CIBAR1: variants seen among roughly 807,000 people sequenced by gnomAD.
CIBAR1 encodes CBY1 interacting BAR domain containing 1, also known as CBY1-interacting BAR domain-containing protein 1.
In CIBAR1, 25 loss-of-function variants were observed where a neutral mutation model predicts 44.0. The ratio of observed to expected loss-of-function variants is 0.57; its 90% CI spans 0.41 to 0.79. CIBAR1 has a LOEUF of 0.79. Ranked by LOEUF, CIBAR1 falls within the 30% of genes least tolerant of loss-of-function variation. CIBAR1 has a pLI of 0.00. For synonymous variants in CIBAR1, 115 were observed against 119.0 expected (o/e 0.97, Z 0.22); for missense variants, 278 against 344.8 (o/e 0.81, Z 1.53).
At chr8:93,727,200 A>G in intron 8 of CIBAR1, 1 of 1,285,934 alleles carries the variant, frequency 7.8e-7, no homozygotes, top group Non-Finnish European at 1.0e-6. Context: ...TCTAGCCTTC[A>G]GAATATAAAA....
At chr8:93,726,748 G>A (rs539474706) in intron 8 of CIBAR1, 1 of 467,078 alleles carries the variant, frequency 2.1e-6, no homozygotes, top group East Asian at 4.5e-5. Context: ...GAGAGCAGAA[G>A]TGGAAAAGAC....
chr8:93,708,836 A>C (rs1810706549), intron 5 of CIBAR1, among the ~76,000 whole-genome samples: 4 of 152,166 alleles, frequency 2.6e-5, no homozygotes, highest in Admixed American at 2.6e-4. Context: ...AACTCAAAAT[A>C]CCTCAATGTT....
At chr8:93,709,663 G>C (rs931266226) in intron 5 of CIBAR1, 108 bp from the exon 6 acceptor site, 3 of 811,910 alleles carry the variant, frequency 3.7e-6, no homozygotes, top group Non-Finnish European at 6.3e-6. Context: ...AATTTACACT[G>C]TTATGCCAAA....
At chr8:93,700,939 G>A in intron 1 of CIBAR1, 4 of 1,376,320 alleles carry the variant, frequency 2.9e-6, no homozygotes, top group Non-Finnish European at 2.8e-6. Context: ...GGAAGCCTAG[G>A]AGGCAGCCGG....
intron 6 of CIBAR1, among the ~76,000 whole-genome samples, chr8:93,714,329 CTTGA>C (rs1810953142): frequency 6.6e-6 from 1 of 152,112 alleles, no homozygotes; most frequent in Non-Finnish European, 1.5e-5. Flanking sequence ...CCTTGCCAAA[CTTGA>C]TTATTAGTTC....
At chr8:93,700,961 G>A in intron 1 of CIBAR1, 1 of 1,378,918 alleles carries the variant, frequency 7.3e-7, no homozygotes, top group Admixed American at 3.5e-5. Context: ...CGCCCAGGCC[G>A]CGCTGCGCGG....
rs1586303257 is a variant in CIBAR1, at chr8:93,728,431, T to G, written c.*134T>G. The G allele has an allele frequency of 5.3e-6, 3 of 561,004 alleles. No individual in the cohort carries two copies. Among genetic ancestry groups the G allele is most frequent in the Non-Finnish European group, 9.2e-6 (3 of 326,570 alleles). 34.8% of individuals were successfully genotyped at this position (561,004 alleles called of 1,614,324 possible). Reference sequence around the variant, plus strand: ...AAACAGAAAAATAATTAAAGGAAACTTATGCTGACCAAAAATGAAGGCTTT... The same window carrying G: ...AAACAGAAAAATAATTAAAGGAAACGTATGCTGACCAAAAATGAAGGCTTT... On this transcript the variant is annotated 3_prime_UTR_variant, in exon 9 of 9. Coordinates refer to ENST00000518322, the MANE Select transcript of CIBAR1 (RefSeq NM_145269.5).
At position 93,703,687 on chromosome 8, in the gene CIBAR1, G is replaced by A. The variant is rs759913847; in HGVS notation, c.329G>A (p.Arg110Gln). 3.2e-6 allele frequency: 5 copies of A among 1,548,470 alleles called. No homozygotes were observed. The highest frequency in any genetic ancestry group is 1.4e-5 in the African/African-American group (1 of 72,946). ...KTYGTIVKMK[R>Q]DDLKATLTAR... ...TATGGGACCATTGTGAAAATGAAAC[G>A]GGTAAGTAAATCCATTTTCTCACTT... Residue 110 changes from arginine (R) to glutamine (Q), a missense_variant and splice_region_variant, in exon 3 of 9, where the codon CGG becomes CAG. Arg to Gln is a conservative substitution (Grantham distance 43). This residue lies in a region of CIBAR1 where 183 missense variants were observed against 218.6 expected (regional missense o/e 0.84). Coordinates refer to ENST00000518322, the MANE Select transcript of CIBAR1 (RefSeq NM_145269.5).
At chr8:93,712,569 T>C (rs1810866185) in intron 6 of CIBAR1, among the ~76,000 whole-genome samples, 1 of 152,206 alleles carries the variant, frequency 6.6e-6, no homozygotes, top group Non-Finnish European at 1.5e-5. Context: ...AGGAGTGGAA[T>C]TGCTGGATTA....
intron 4 of CIBAR1, chr8:93,705,279 T>C (rs1007671426): frequency 4.9e-6 from 2 of 408,238 alleles, no homozygotes; most frequent in Non-Finnish European, 8.6e-6. Flanking sequence ...AATTCAAATT[T>C]CTGAATTTTA....
intron 6 of CIBAR1, among the ~76,000 whole-genome samples, chr8:93,714,550 A>G (rs886691548): frequency 3.9e-5 from 6 of 152,192 alleles, no homozygotes; most frequent in Non-Finnish European, 7.3e-5. Flanking sequence ...CTTTCCAAGT[A>G]AAGCCGCATT....
intron 4 of CIBAR1, chr8:93,705,534 T>C (rs1282412028): frequency 6.5e-6 from 1 of 152,932 alleles, no homozygotes; most frequent in Non-Finnish European, 1.5e-5. Context: ...CTGTCTACTA[T>C]AACAAGGTTC....
chr8:93,700,615 C>T lies in CIBAR1; in HGVS notation c.-33C>T, dbSNP rs908373126. 5 of 1,481,264 alleles carry T rather than the reference C, an allele frequency of 3.4e-6. No homozygotes were observed. The Admixed American group carries it at 9.7e-5, about 29-fold the overall frequency. 91.8% of individuals were successfully genotyped at this position (1,481,264 alleles called of 1,614,324 possible). ...CGCCTTGGAATCCCCGTCCTTGGGC[C>T]CCCGCAAGGTCCCCGGCCGTGCGCG... On this transcript the variant is annotated 5_prime_UTR_variant, in exon 1 of 9. Coordinates refer to ENST00000518322, the MANE Select transcript of CIBAR1 (RefSeq NM_145269.5).
intron 5 of CIBAR1, among the ~76,000 whole-genome samples, chr8:93,708,972 T>C (rs1206256620): frequency 6.6e-6 from 1 of 152,148 alleles, no homozygotes; most frequent in Non-Finnish European, 1.5e-5. Flanking sequence ...TCCTATGAGA[T>C]AAGCATAAAG....
chr8:93,721,451 T>G (rs535454025), intron 7 of CIBAR1, among the ~76,000 whole-genome samples: 1 of 152,272 alleles, frequency 6.6e-6, no homozygotes, highest in East Asian at 1.9e-4. Context: ...TTACCAGTAC[T>G]CTTAATCAGC....
chr8:93,724,634 G>C, intron 7 of CIBAR1: 1 of 1,203,436 alleles, frequency 8.3e-7, no homozygotes, highest in Non-Finnish European at 1.1e-6. Flanking sequence ...TTATAGTTTG[G>C]TCTTCTAGGT....
chr8:93,704,827 T>C, intron 3 of CIBAR1, 82 bp from the exon 4 acceptor site: 1 of 768,616 alleles, frequency 1.3e-6, no homozygotes, highest in Non-Finnish European at 2.1e-6. Flanking sequence ...CTTAAAACAA[T>C]TCTTAAAAGA....
chr8:93,712,165 ACT>A (rs1810851002), intron 6 of CIBAR1, among the ~76,000 whole-genome samples: 1 of 152,210 alleles, frequency 6.6e-6, no homozygotes, highest in South Asian at 2.1e-4. Flanking sequence ...ATATATCACC[ACT>A]CAATGTTAGA....
At chr8:93,727,216 C>T in intron 8 of CIBAR1, 1 of 1,278,658 alleles carries the variant, frequency 7.8e-7, no homozygotes, top group Non-Finnish European at 1.0e-6. Context: ...TAAAATTCAA[C>T]AAACTTATTT....
Sources: allele counts gnomAD v4.1 joint callset (sites outside exome capture counted in the v4.1 genomes callset), GRCh38; gene constraint gnomAD v4.1.1; regional missense constraint gnomAD v4.1.1; transcripts MANE v1.5; gene names NCBI Gene and HGNC (gene_info 2026-07-23, HGNC 2026-07-21).